CHD6: variants seen among roughly 807,000 people sequenced by gnomAD.
CHD6 encodes chromodomain helicase DNA binding protein 6, also known as ATP-dependent chromatin remodeler CHD6.
Under a neutral mutation model 276.9 loss-of-function variants are expected in CHD6, and 50 were observed. The ratio of observed to expected loss-of-function variants is 0.18; its 90% CI spans 0.14 to 0.23. The LOEUF (loss-of-function observed/expected upper bound fraction) is 0.23, where lower values mean the gene tolerates loss of function less well. Among genes scored for constraint, CHD6 ranks in the 10% least tolerant of loss-of-function variants. CHD6 has a pLI of 1.00. For missense variants in CHD6, 2,564 were observed against 3,365.8 expected, an observed-to-expected ratio of 0.76 and a Z score of 5.89; for synonymous variants, 1,173 against 1,229.3, an observed-to-expected ratio of 0.95 and a Z score of 0.96.
chr20:41,555,893 A>C (rs1308373667), intron 1 of CHD6, among the ~76,000 whole-genome samples: 5 of 150,646 alleles, frequency 3.3e-5, no homozygotes, highest in Non-Finnish European at 7.4e-5. Context: ...TGGGAGGCCA[A>C]GGCAGGCGGC....
intron 1 of CHD6, among the ~76,000 whole-genome samples, chr20:41,556,227 CAGAGGGAGACCGTGGAAAGAGGGAGAGGG>C (rs1187781095): frequency 1.3e-5 from 2 of 151,468 alleles, no homozygotes; most frequent in Non-Finnish European, 2.9e-5. Flanking sequence ...GGCTCGGCAT[CAGAGGGAGACCGTGGAAAGAGGGAGAGGG>C]AGAGGGAGAC....
Position 41,404,905 on chromosome 20 carries a change from A to G in CHD6, c.7836T>C (p.Phe2612=), listed in dbSNP as rs2046626095. 3.1e-6 allele frequency: 5 copies of G among 1,614,008 alleles called. No homozygotes were observed. The highest frequency in any genetic ancestry group is 4.2e-6 in the Non-Finnish European group (5 of 1,180,018). The change falls in exon 37 of 37, where the codon TTT becomes TTC. Residue 2612 remains phenylalanine, a synonymous_variant. Transcript: ENST00000373233. ...GTCCAGGAGATACTCCTGGGATGAG[A>G]AATGGGTTAAAAGCCACAGGACTAC... ...TTSSPVAFNP[F]LIPGVSPGLI...
In CHD6 at chr20:41,489,729, G is replaced by A. The variant is rs1372754461; in HGVS notation, c.1680+49C>T. ...TCTGAAGATAAGTGACAGAAAGGCT[G>A]TTCTGAGCTTAGGCAGTCCCTGGGT... On this transcript the variant is annotated intron_variant, in intron 12 of 36. Coordinates refer to ENST00000373233, the MANE Select transcript of CHD6 (RefSeq NM_032221.5). The A allele has an allele frequency of 8.7e-6, 14 of 1,610,006 alleles. 1 individual carries two copies. The highest frequency in any genetic ancestry group is 1.7e-4 in the Middle Eastern group (1 of 5,956).
At chr20:41,532,859 AACCTCCAAGGAC>A in intron 3 of CHD6, among the ~76,000 whole-genome samples, 179 bp downstream of exon 3, 1 of 152,248 alleles carries the variant, frequency 6.6e-6, no homozygotes, top group South Asian at 2.1e-4. Context: ...AGAAAACAGC[AACCTCCAAGGAC>A]AGCCCCTTGC....
At chr20:41,490,857 T>C (rs552517842) in intron 11 of CHD6, among the ~76,000 whole-genome samples, 25 of 152,172 alleles carry the variant, frequency 1.6e-4, no homozygotes, top group Admixed American at 3.9e-4. Flanking sequence ...ACCTAGGTGA[T>C]AGGTTGACAG....
At chr20:41,512,741 T>TA in intron 5 of CHD6, 105 bp downstream of exon 5, 1 of 1,322,086 alleles carries the variant, frequency 7.6e-7, no homozygotes, top group East Asian at 2.3e-5. Context: ...AAGCAGCAGT[T>TA]AAAATGATCT....
intron 8 of CHD6, 145 bp downstream of exon 8, chr20:41,497,239 T>A: frequency 1.5e-6 from 1 of 645,366 alleles, no homozygotes. Context: ...TCTAGACTAG[T>A]TTTGTTGCAA....
At chr20:41,573,891 G>A (rs973660277) in intron 1 of CHD6, among the ~76,000 whole-genome samples, 1 of 152,136 alleles carries the variant, frequency 6.6e-6, no homozygotes, top group Non-Finnish European at 1.5e-5. Flanking sequence ...TCAGGTAAGG[G>A]CTACTGCAGC....
At chr20:41,593,680 G>A (rs2045687825) in intron 1 of CHD6, among the ~76,000 whole-genome samples, 1 of 152,122 alleles carries the variant, frequency 6.6e-6, no homozygotes, top group Non-Finnish European at 1.5e-5. Context: ...GACTGTATTT[G>A]GAGATAGGGT....
chr20:41,491,656 T>C (rs368725540), intron 11 of CHD6, 42 bp downstream of exon 11: 2 of 1,612,580 alleles, frequency 1.2e-6, no homozygotes, highest in Non-Finnish European at 1.7e-6. Flanking sequence ...GGCAATAATA[T>C]ACCTCTGGGT....
In CHD6 at chr20:41,514,814, TGTAGACTCA is replaced by T; in HGVS notation, c.684_692del (p.Glu229_Thr231del). 1 of 1,613,940 alleles carries T rather than the reference TGTAGACTCA, an allele frequency of 6.2e-7. No individual in the cohort carries two copies. On this transcript the variant is annotated inframe_deletion, in exon 4 of 37. Coordinates refer to ENST00000373233, the MANE Select transcript of CHD6 (RefSeq NM_032221.5). ...CCGGTCACAGCTGTACCTGGCTGTC[TGTAGACTCA>T]GTGGACTCCTCAGGACTCCGCAGAG...
intron 1 of CHD6, among the ~76,000 whole-genome samples, chr20:41,579,637 A>G (rs1389474495): frequency 6.6e-6 from 1 of 152,116 alleles, no homozygotes; most frequent in African/African-American, 2.4e-5. Flanking sequence ...GTCAGCAGAA[A>G]TTCTCTGCAC....
At chr20:41,575,410 T>A (rs1277425705) in intron 1 of CHD6, among the ~76,000 whole-genome samples, 2 of 152,136 alleles carry the variant, frequency 1.3e-5, no homozygotes, top group African/African-American at 4.8e-5. Context: ...TATACAAACA[T>A]CAATAACTTT....
At chr20:41,598,262 C>T (rs1231595241) in intron 1 of CHD6, among the ~76,000 whole-genome samples, 2 of 152,038 alleles carry the variant, frequency 1.3e-5, no homozygotes, top group African/African-American at 4.8e-5. Flanking sequence ...GTTTCGTTGC[C>T]TCGTCATCCC....
intron 30 of CHD6, among the ~76,000 whole-genome samples, chr20:41,423,249 A>G (rs900393423): frequency 1.3e-5 from 2 of 152,176 alleles, no homozygotes; most frequent in Non-Finnish European, 2.9e-5. Context: ...GTCTTCCAAT[A>G]TTTCTGTGAT....
intron 15 of CHD6, 138 bp downstream of exon 15, chr20:41,484,214 T>A: frequency 8.8e-7 from 1 of 1,132,080 alleles, no homozygotes; most frequent in Admixed American, 2.1e-5. Flanking sequence ...TGAATCTCAG[T>A]TTTATACTCT....
At chr20:41,490,248 G>A (rs1177451664) in intron 11 of CHD6, among the ~76,000 whole-genome samples, 2 of 152,106 alleles carry the variant, frequency 1.3e-5, no homozygotes, top group African/African-American at 2.4e-5. Context: ...TGTCACTTAA[G>A]GATGGGGTCA....
chr20:41,444,617 C>T (rs1224304883), intron 25 of CHD6, among the ~76,000 whole-genome samples: 1 of 152,114 alleles, frequency 6.6e-6, no homozygotes, highest in Non-Finnish European at 1.5e-5. Flanking sequence ...GCTGGTTAGC[C>T]TGTAAAAGTT....
chr20:41,432,107 C>A (rs377187695), intron 27 of CHD6, among the ~76,000 whole-genome samples: 1 of 143,824 alleles, frequency 7.0e-6, no homozygotes. Flanking sequence ...TTGCAGGGAG[C>A]CAAGATCATG....
Sources: allele counts gnomAD v4.1 joint callset (sites outside exome capture counted in the v4.1 genomes callset), GRCh38; gene constraint gnomAD v4.1.1; transcripts MANE v1.5; gene names NCBI Gene and HGNC (gene_info 2026-07-23, HGNC 2026-07-21).